Variants in STOX2 observed in about 807,000 individuals in gnomAD.
STOX2 encodes storkhead box 2, also known as storkhead-box protein 2.
In STOX2, 28 loss-of-function variants were observed where a neutral mutation model predicts 60.9. The ratio of observed to expected loss-of-function variants is 0.46; its 90% CI spans 0.34 to 0.63. The LOEUF is 0.63. Among genes scored for constraint, STOX2 ranks in the 30% least tolerant of loss-of-function variants. The pLI, the probability that STOX2 is intolerant of heterozygous loss-of-function variation, is 0.01. For synonymous variants in STOX2, 472 were observed against 463.9 expected, an observed-to-expected ratio of 1.02 and a Z score of -0.22; for missense variants, 1,024 against 1,187.7, an observed-to-expected ratio of 0.86 and a Z score of 2.03.
chr4:183,975,025 A>G (rs1329574239), intron 1 of STOX2, among the ~76,000 whole-genome samples: 2 of 152,220 alleles, frequency 1.3e-5, no homozygotes, highest in Non-Finnish European at 2.9e-5. Context: ...TTAACTAGAA[A>G]TCAACAAAAG....
chr4:183,963,589 G>T (rs566834245), intron 1 of STOX2, among the ~76,000 whole-genome samples: 1 of 151,736 alleles, frequency 6.6e-6, no homozygotes, highest in African/African-American at 2.4e-5. Flanking sequence ...ACCACACCCG[G>T]CTAATTTTTG....
Position 183,908,599 on chromosome 4 carries a change from T to G in STOX2, c.166+1643T>G, listed in dbSNP as rs1020439186. Among the ~76,000 whole-genome samples, 33 of 151,718 alleles carry G rather than the reference T, an allele frequency of 2.2e-4. 1 individual carries two copies. The highest frequency in any genetic ancestry group is 4.2e-4 in the South Asian group (2 of 4,784). ...CACATTTCCAGGCAGCCAGTTTTTT[T>G]TTTTTTTTTTTTTAATCTATCTTGG... On this transcript the variant is annotated intron_variant, in intron 1 of 3. Coordinates refer to ENST00000308497, the MANE Select transcript of STOX2 (RefSeq NM_020225.3).
intron 1 of STOX2, among the ~76,000 whole-genome samples, chr4:183,832,836 C>G (rs535528626): frequency 7.2e-5 from 11 of 152,306 alleles, no homozygotes; most frequent in African/African-American, 1.9e-4. Context: ...TCCTCTGACT[C>G]TCGGCTCAAT....
In STOX2 at chr4:183,825,142, A is replaced by G. The variant is rs61570110; in HGVS notation, c.364+27087A>G. ...AAAAGAGGCAGAGCTAGGACTGAGC[A>G]TCCAAGGTCACCCCATGGTGTCAGG... On this transcript the variant is annotated intron_variant, in intron 1 of 2. Transcript: ENST00000513034. The surrounding 1 kb of genome is among the most constrained non-coding windows in gnomAD (Gnocchi z 4.1). 0.061 allele frequency among the ~76,000 whole-genome samples: 9,231 copies of G among 152,252 alleles called. 896 individuals are homozygous for G. Among genetic ancestry groups the G allele is most frequent in the African/African-American group, 0.21 (8,626 of 41,518 alleles).
chr4:184,000,181 G>T (rs1733525040), intron 1 of STOX2, among the ~76,000 whole-genome samples: 1 of 152,096 alleles, frequency 6.6e-6, no homozygotes, highest in Non-Finnish European at 1.5e-5. Flanking sequence ...TGCTTCTACT[G>T]GGGGCACCTC....
chr4:183,842,964 A>G (rs1739898339), intron 1 of STOX2, among the ~76,000 whole-genome samples: 1 of 152,112 alleles, frequency 6.6e-6, no homozygotes, highest in African/African-American at 2.4e-5. Flanking sequence ...CCTAGCCAAG[A>G]TGGCGAAACC....
chr4:183,992,930 G>A (rs2111208104), intron 1 of STOX2, among the ~76,000 whole-genome samples: 1 of 152,358 alleles, frequency 6.6e-6, no homozygotes, highest in East Asian at 1.9e-4. Flanking sequence ...TGGAGCCTTA[G>A]CAAAGGCGTT....
chr4:183,970,080 A>C (rs147997979), intron 1 of STOX2, among the ~76,000 whole-genome samples: 1 of 151,902 alleles, frequency 6.6e-6, no homozygotes, highest in Non-Finnish European at 1.5e-5. Context: ...CCCATGCATG[A>C]AAAAAACACT....
Position 184,017,173 on chromosome 4 carries a change from T to G in STOX2, c.2670T>G (p.Gly890=). 2 of 1,613,334 alleles carry G rather than the reference T, an allele frequency of 1.2e-6. No individual in the cohort carries two copies. The highest frequency in any genetic ancestry group is 1.7e-6 in the Non-Finnish European group (2 of 1,179,432). The change falls in exon 4 of 4, where the codon GGT becomes GGG. Residue 890 remains glycine (G), a synonymous_variant. Transcript: ENST00000308497. ...RQNPALSPAH[G]GAGPAFNFRA... Reference sequence around the variant, plus strand: ...ACCCCGCTTTGAGCCCGGCCCATGGTGGAGCTGGTCCAGCCTTCAACTTCC... The same window carrying G: ...ACCCCGCTTTGAGCCCGGCCCATGGGGGAGCTGGTCCAGCCTTCAACTTCC...
chr4:183,871,650 A>G (rs1355469536), intron 1 of STOX2, among the ~76,000 whole-genome samples: 1 of 151,668 alleles, frequency 6.6e-6, no homozygotes, highest in African/African-American at 2.4e-5. Context: ...AGCAAAACAT[A>G]TGAAGTTTAT....
At chr4:183,866,258 G>A (rs1253914465) in intron 1 of STOX2, among the ~76,000 whole-genome samples, 1 of 152,126 alleles carries the variant, frequency 6.6e-6, no homozygotes, top group Non-Finnish European at 1.5e-5. Context: ...CCCACCCCGA[G>A]CCTGTTCTTT....
intron 1 of STOX2, among the ~76,000 whole-genome samples, chr4:183,978,451 A>G (rs1732529170): frequency 6.6e-6 from 1 of 152,052 alleles, no homozygotes; most frequent in Admixed American, 6.6e-5. Context: ...ATTCTGTTCC[A>G]TTGATTTATG....
chr4:184,006,934 T>G (rs1337540036), intron 2 of STOX2, among the ~76,000 whole-genome samples: 1 of 133,134 alleles, frequency 7.5e-6, no homozygotes, highest in Non-Finnish European at 1.5e-5. Context: ...GAGAATGGCG[T>G]GAACCCAGGA....
In STOX2 at chr4:184,009,154, T is replaced by TTTTAGGTGTTCCAACG; in HGVS notation, c.320-4_320-3insTTTAGGTGTTCCAACG. 2 of 1,470,564 alleles carry TTTTAGGTGTTCCAACG rather than the reference T, an allele frequency of 1.4e-6. No individual in the cohort carries two copies. Among genetic ancestry groups the TTTTAGGTGTTCCAACG allele is most frequent in the Non-Finnish European group, 1.8e-6 (2 of 1,104,704 alleles). The allele number at this position is 1,470,564 out of a possible 1,614,324, so 91.1% of individuals were successfully genotyped here. ...ACAAGTGGTTTTTTTTTTTTTTTTTTCAGGTGTTCCAACGCCAAGCCAAGA... is the reference window on the plus strand; with the variant it reads ...ACAAGTGGTTTTTTTTTTTTTTTTTTTTTAGGTGTTCCAACGCAGGTGTTCCAACGCCAAGCCAAGA... On this transcript the variant is annotated splice_region_variant and splice_polypyrimidine_tract_variant and intron_variant, in intron 2 of 3. Transcript: ENST00000308497. The surrounding 1 kb of genome is among the most constrained non-coding windows in gnomAD (Gnocchi z 4.0).
intron 1 of STOX2, among the ~76,000 whole-genome samples, chr4:183,809,397 T>TTATA (rs1554018100): frequency 1.5e-5 from 2 of 133,372 alleles, no homozygotes; most frequent in Admixed American, 7.1e-5. Context: ...CTGATCTGAT[T>TTATA]TTTATTTTTA....
At chr4:184,015,510 T>G (rs1734330982) in intron 3 of STOX2, 1 of 104,826 alleles carries the variant, frequency 9.5e-6, no homozygotes, top group Non-Finnish European at 2.8e-5. Flanking sequence ...GTTTGTTTGT[T>G]TGTTTGTTTG....
chr4:183,968,762 G>A (rs905678249), intron 1 of STOX2, among the ~76,000 whole-genome samples: 5 of 151,812 alleles, frequency 3.3e-5, no homozygotes, highest in Admixed American at 6.6e-5. Context: ...GCAGGGGGGC[G>A]GGGGGTGTTG....
intron 1 of STOX2, among the ~76,000 whole-genome samples, chr4:183,975,395 A>C (rs1409035968): frequency 6.6e-6 from 1 of 152,186 alleles, no homozygotes; most frequent in Non-Finnish European, 1.5e-5. Context: ...ATAAAATTAA[A>C]AATCTGGTTT....
At chr4:183,829,490 T>C (rs967231590) in intron 1 of STOX2, among the ~76,000 whole-genome samples, 3 of 152,246 alleles carry the variant, frequency 2.0e-5, no homozygotes, top group Admixed American at 1.3e-4. Context: ...AGAAGACTTC[T>C]ATGCGCCAGA....
Sources: allele counts gnomAD v4.1 joint callset (sites outside exome capture counted in the v4.1 genomes callset), GRCh38; gene constraint gnomAD v4.1.1; non-coding constraint Gnocchi (gnomAD v3.1); transcripts MANE v1.5; gene names NCBI Gene and HGNC (gene_info 2026-07-23, HGNC 2026-07-21).